The following C12orf60 variants were observed in gnomAD, a reference collection of about 807,000 sequenced individuals.
The protein encoded by C12orf60 is uncharacterized protein C12orf60.
For missense variants in C12orf60, 284 were observed against 283.2 expected (o/e 1.00, Z -0.02); for synonymous variants, 102 against 94.6 (o/e 1.08, Z -0.45).
chr12:14,818,115 G>A (rs1950251371), intron 1 of C12orf60, among the ~76,000 whole-genome samples: 1 of 152,072 alleles, frequency 6.6e-6, no homozygotes, highest in East Asian at 1.9e-4. Flanking sequence ...ACATTTGTTG[G>A]TCGTGTAAAG....
At chr12:14,810,239 T>G (rs973202485) in intron 1 of C12orf60, among the ~76,000 whole-genome samples, 3 of 152,212 alleles carry the variant, frequency 2.0e-5, no homozygotes, top group African/African-American at 7.2e-5. Context: ...CTTAGGTATG[T>G]CTGAGCTCCA....
At chr12:14,806,684 T>G in intron 1 of C12orf60, 1 of 1,565,220 alleles carries the variant, frequency 6.4e-7, no homozygotes, top group Non-Finnish European at 8.6e-7. Flanking sequence ...GGGCCATATT[T>G]CCAATATGAT....
intron 1 of C12orf60, among the ~76,000 whole-genome samples, chr12:14,812,300 C>T (rs1002521265): frequency 3.3e-5 from 5 of 152,238 alleles, no homozygotes; most frequent in Admixed American, 1.3e-4. Flanking sequence ...AAAAATTAGC[C>T]GGGCGCGGTG....
rs768098281 is a variant in C12orf60 at position 14,823,333 on chromosome 12, T to C, written c.398T>C (p.Leu133Pro). ...TCTGTGCTAAACAGCAGTAACATCC[T>C]TGGGAGTCTGGAATCTTCTCTTTCA... ...IISVLNSSNI[L>P]GSLESSLSHL... Residue 133 changes from leucine to proline, a missense_variant, in exon 2 of 2, where the codon CTT (leucine) becomes CCT (proline). Transcript: ENST00000330828. 1.2e-6 allele frequency: 2 copies of C among 1,614,128 alleles called. No homozygotes were observed. Among genetic ancestry groups the C allele is most frequent in the Non-Finnish European group, 1.7e-6 (2 of 1,180,008 alleles).
intron 1 of C12orf60, among the ~76,000 whole-genome samples, chr12:14,813,030 A>T (rs1485796125): frequency 6.6e-6 from 1 of 152,250 alleles, no homozygotes; most frequent in Non-Finnish European, 1.5e-5. Context: ...TTCACAAATA[A>T]TCTGGAAAGA....
At chr12:14,808,116 G>A (rs1020787505) in intron 1 of C12orf60, among the ~76,000 whole-genome samples, 2 of 151,924 alleles carry the variant, frequency 1.3e-5, no homozygotes, top group Non-Finnish European at 2.9e-5. Context: ...AGTGAGCCAA[G>A]ATGGTGCCAC....
rs17853860 is a variant in C12orf60, at chr12:14,823,087, A to G, written c.152A>G (p.Lys51Arg). The G allele has an allele frequency of 1.7e-3, 2,730 of 1,614,190 alleles. 44 individuals are homozygous for G. In the East Asian group the frequency reaches 0.03, roughly 18 times the overall value. The change falls in exon 2 of 2, where the codon AAA becomes AGA. Residue 51 changes from lysine to arginine, a missense_variant. Coordinates refer to ENST00000330828, the MANE Select transcript of C12orf60 (RefSeq NM_175874.4). ...MNTQILLMAV[K>R]NNSYIKDFFE... ...ACTCAAATCCTTTTGATGGCTGTGA[A>G]AAACAATAGTTACATTAAGGATTTT...
chr12:14,811,469 A>T (rs1334605762), intron 1 of C12orf60, among the ~76,000 whole-genome samples: 4 of 152,196 alleles, frequency 2.6e-5, no homozygotes, highest in African/African-American at 9.7e-5. Flanking sequence ...TTATTTTATT[A>T]AAAAATGACA....
Position 14,823,764 on chromosome 12 carries a change from ATGTGC to A in C12orf60, c.*93_*97del, listed in dbSNP as rs1054415442. On this transcript the variant is annotated 3_prime_UTR_variant, in exon 2 of 2. Transcript: ENST00000330828. ...TTTCTAAGATCTTTTGGTGCCAAACATGTGCTATGTTAGAACATAAGTACACAAAA... is the reference window on the plus strand; with the variant it reads ...TTTCTAAGATCTTTTGGTGCCAAACATATGTTAGAACATAAGTACACAAAA... The A allele has an allele frequency of 8.1e-7, 1 of 1,241,042 alleles. No homozygotes were observed. The highest frequency in any genetic ancestry group is 1.1e-6 in the Non-Finnish European group (1 of 914,538). The allele number at this position is 1,241,042 out of a possible 1,614,324, so 76.9% of individuals were successfully genotyped here.
intron 1 of C12orf60, among the ~76,000 whole-genome samples, chr12:14,808,820 C>T (rs1950094242): frequency 6.6e-6 from 1 of 152,176 alleles, no homozygotes; most frequent in Non-Finnish European, 1.5e-5. Context: ...GTAACAGACA[C>T]ACATTTCCAC....
intron 1 of C12orf60, among the ~76,000 whole-genome samples, chr12:14,813,562 G>T (rs1950172993): frequency 6.6e-6 from 1 of 152,244 alleles, no homozygotes; most frequent in African/African-American, 2.4e-5. Flanking sequence ...CACTGGTGAA[G>T]CCTCTACTGT....
At chr12:14,821,813 G>A (rs1950309656) in intron 1 of C12orf60, among the ~76,000 whole-genome samples, 1 of 151,794 alleles carries the variant, frequency 6.6e-6, no homozygotes, top group African/African-American at 2.4e-5. Context: ...TTCTCACCTG[G>A]GGGCAAAGCA....
intron 1 of C12orf60, 90 bp from the exon 2 acceptor site, chr12:14,822,822 T>G: frequency 8.8e-7 from 1 of 1,130,690 alleles, no homozygotes; most frequent in Non-Finnish European, 1.2e-6. Context: ...GCAGGGGGAG[T>G]TATCTTCATA....
chr12:14,823,137 A>G lies in C12orf60; in HGVS notation c.202A>G (p.Lys68Glu). 1 of 1,614,160 alleles carries G rather than the reference A, an allele frequency of 6.2e-7. No individual in the cohort carries two copies. The highest frequency in any genetic ancestry group is 2.2e-5 in the East Asian group (1 of 44,876). Residue 68 changes from lysine (K) to glutamate (E), a missense_variant, in exon 2 of 2, where the codon AAG becomes GAG. Coordinates refer to ENST00000330828, the MANE Select transcript of C12orf60 (RefSeq NM_175874.4). ...TTTTGAGCAAATGCTCAAAATTTTT[A>G]AGGAGATGCAATCTGTAGTGGATGC... The part of the protein sequence containing the change: ...DFFEQMLKIF[K>E]EMQSVVDARH...
chr12:14,816,746 C>CT (rs11430871), intron 1 of C12orf60, among the ~76,000 whole-genome samples: 40,868 of 137,962 alleles, frequency 0.3, 6,437 homozygotes, highest in Middle Eastern at 0.35. Context: ...TATATTTTCT[C>CT]TTTTTTTTTT....
intron 1 of C12orf60, among the ~76,000 whole-genome samples, chr12:14,810,347 T>C (rs1030119477): frequency 6.6e-6 from 1 of 152,144 alleles, no homozygotes; most frequent in African/African-American, 2.4e-5. Flanking sequence ...AGTGAAACCA[T>C]TGAATTGTGT....
At chr12:14,807,876 G>A (rs1403778500) in intron 1 of C12orf60, among the ~76,000 whole-genome samples, 1 of 152,076 alleles carries the variant, frequency 6.6e-6, no homozygotes, top group Non-Finnish European at 1.5e-5. Context: ...AAGTATTAAA[G>A]AATAAGGGGC....
rs942805721 is a variant in C12orf60, at chr12:14,822,946, A to G, written c.11A>G (p.Glu4Gly). Residue 4 changes from glutamate (E) to glycine (G), a missense_variant, in exon 2 of 2, where the codon GAG (glutamate) becomes GGG (glycine). Physicochemically the swap from Glu to Gly is moderately conservative, Grantham distance 98. Coordinates refer to ENST00000330828, the MANE Select transcript of C12orf60 (RefSeq NM_175874.4). MSS[E>G]SEKDKERLIQ... is the part of the protein sequence containing the mutation. Reference sequence around the variant, plus strand: ...TTATTTGTTGGAGAAATGTCTTCAGAGTCAGAAAAGGATAAAGAGAGACTG... The same window carrying G: ...TTATTTGTTGGAGAAATGTCTTCAGGGTCAGAAAAGGATAAAGAGAGACTG... 5 of 1,571,688 alleles carry G rather than the reference A, an allele frequency of 3.2e-6. No homozygotes were observed. The African/African-American group carries it at 4.1e-5, about 13-fold the overall frequency.
chr12:14,817,462 C>CT (rs1309769353), intron 1 of C12orf60, among the ~76,000 whole-genome samples: 9 of 151,982 alleles, frequency 5.9e-5, no homozygotes, highest in Admixed American at 5.9e-4. Context: ...TTGACCCATC[C>CT]TTTAAGTTCC....
Sources: allele counts gnomAD v4.1 joint callset (sites outside exome capture counted in the v4.1 genomes callset), GRCh38; gene constraint gnomAD v4.1.1; transcripts MANE v1.5; gene names NCBI Gene and HGNC (gene_info 2026-07-23, HGNC 2026-07-21).